Variants in AMPD3 observed in about 807,000 individuals in gnomAD.
AMPD3 encodes the protein adenosine monophosphate deaminase 3, also known as AMP deaminase 3.
Under a neutral mutation model 82.3 loss-of-function variants are expected in AMPD3, and 57 were observed. That is an observed-to-expected ratio of 0.69 (90% CI 0.56 to 0.86). AMPD3 has a LOEUF of 0.86. Ranked by LOEUF, AMPD3 falls within the 40% of genes least tolerant of loss-of-function variation. AMPD3 has a pLI of 0.00. For missense variants in AMPD3, 870 were observed against 1,003.8 expected (o/e 0.87, Z 1.80); for synonymous variants, 381 against 394.7 (o/e 0.97, Z 0.41).
At chr11:10,458,205 C>T (rs1008627690) in intron 1 of AMPD3, among the ~76,000 whole-genome samples, 8 of 150,186 alleles carry the variant, frequency 5.3e-5, no homozygotes, top group Non-Finnish European at 8.9e-5. Flanking sequence ...AGTGATCCTT[C>T]CTCCTCAGCC....
rs1849295888 is a variant in AMPD3 at position 10,493,374 on chromosome 11, C to T, written c.965C>T (p.Ala322Val). The change falls in exon 7 of 15, where the codon GCC becomes GTC. Residue 322 changes from alanine (A) to valine (V), a missense_variant. Ala to Val is a moderately conservative substitution (Grantham distance 64). Coordinates refer to ENST00000396553, the MANE Select transcript of AMPD3 (RefSeq NM_001025389.2). ...GTGGACACACACATCCATGCGGCCGCCTGCATGAACCAAAAGCATCTGCTG... is the reference window on the plus strand; with the variant it reads ...GTGGACACACACATCCATGCGGCCGTCTGCATGAACCAAAAGCATCTGCTG... Reference protein sequence around the residue: ...RKVDTHIHAAACMNQKHLLRF... With the variant: ...RKVDTHIHAAVCMNQKHLLRF... 1.9e-6 allele frequency: 3 copies of T among 1,614,074 alleles called. No individual in the cohort carries two copies. Among genetic ancestry groups the T allele is most frequent in the East Asian group, 4.5e-5 (2 of 44,880 alleles).
intron 13 of AMPD3, among the ~76,000 whole-genome samples, chr11:10,503,740 A>G (rs1212781006): frequency 6.6e-6 from 1 of 152,154 alleles, no homozygotes; most frequent in East Asian, 1.9e-4. Flanking sequence ...AAGCCTCTTT[A>G]ATGTCTTAAT....
At chr11:10,470,757 A>G (rs1377279839) in intron 2 of AMPD3, among the ~76,000 whole-genome samples, 1 of 152,214 alleles carries the variant, frequency 6.6e-6, no homozygotes, top group Non-Finnish European at 1.5e-5. Flanking sequence ...CTTACAAGGG[A>G]TGTGAAGGAC....
rs1286765464 is a variant in AMPD3 at position 10,500,218 on chromosome 11, G to A, written c.1690G>A (p.Ala564Thr). 3 of 1,614,210 alleles carry A rather than the reference G, an allele frequency of 1.9e-6. No homozygotes were observed. The highest frequency in any genetic ancestry group is 1.1e-5 in the South Asian group (1 of 91,088). Residue 564 changes from alanine (A) to threonine (T), a missense_variant, in exon 11 of 15, where the codon GCC (alanine) becomes ACC (threonine). Coordinates refer to ENST00000396553, the MANE Select transcript of AMPD3 (RefSeq NM_001025389.2). ...PYSYYLYYMY[A>T]NIMVLNNLRR... ...CAGCTACTACCTGTACTACATGTAT[G>A]CCAACATCATGGTGCTCAACAACCT...
At chr11:10,487,121 C>T in intron 5 of AMPD3, 114 bp from the exon 6 acceptor site, 1 of 1,582,420 alleles carries the variant, frequency 6.3e-7, no homozygotes, top group Non-Finnish European at 8.6e-7. Flanking sequence ...CTCATTCCGC[C>T]CTGCTCCGTC....
intron 10 of AMPD3, 94 bp from the exon 11 acceptor site, chr11:10,499,992 C>G: frequency 1.3e-6 from 2 of 1,572,922 alleles, no homozygotes; most frequent in Admixed American, 3.6e-5. Context: ...GGCCCAGACC[C>G]ACAGGCCTCT....
At chr11:10,477,982 T>G in intron 2 of AMPD3, 1 of 985,458 alleles carries the variant, frequency 1.0e-6, no homozygotes, top group Non-Finnish European at 1.2e-6. Context: ...ACAAGGAGAT[T>G]GGATTCATTG....
At chr11:10,458,367 T>G (rs1848163831) in intron 1 of AMPD3, among the ~76,000 whole-genome samples, 1 of 152,090 alleles carries the variant, frequency 6.6e-6, no homozygotes, top group African/African-American at 2.4e-5. Context: ...AAAAAGAAGT[T>G]TGTTTTCCTA....
At chr11:10,477,788 G>A in intron 2 of AMPD3, 1 of 780,182 alleles carries the variant, frequency 1.3e-6, no homozygotes, top group Non-Finnish European at 1.6e-6. Context: ...TGTGCCATGG[G>A]CCGTGTGACT....
At chr11:10,478,875 G>T (rs1231873494) in intron 3 of AMPD3, 145 bp downstream of exon 3, 1 of 954,252 alleles carries the variant, frequency 1.0e-6, no homozygotes, top group East Asian at 2.6e-5. Context: ...GAGACAAGGA[G>T]GGCCCTAGCA....
At chr11:10,493,144 G>A (rs140214054) in intron 6 of AMPD3, among the ~76,000 whole-genome samples, 1 of 152,304 alleles carries the variant, frequency 6.6e-6, no homozygotes, top group East Asian at 1.9e-4. Flanking sequence ...GCTGTAAGGA[G>A]GTGGAATGCG....
chr11:10,460,617 C>T (rs1203157176), intron 1 of AMPD3, among the ~76,000 whole-genome samples: 1 of 152,000 alleles, frequency 6.6e-6, no homozygotes, highest in Non-Finnish European at 1.5e-5. Context: ...CCATGTTGGC[C>T]AGGATGGTCT....
intron 6 of AMPD3, chr11:10,488,147 C>T (rs944193396): frequency 2.1e-6 from 2 of 940,216 alleles, no homozygotes; most frequent in Non-Finnish European, 2.5e-6. Flanking sequence ...CAGCCTTGTC[C>T]GGGGCTCCTG....
At chr11:10,499,943 G>A in intron 10 of AMPD3, 143 bp from the exon 11 acceptor site, 1 of 1,507,304 alleles carries the variant, frequency 6.6e-7, no homozygotes, top group Non-Finnish European at 8.9e-7. Flanking sequence ...ATGGCCTCAG[G>A]CAGGCCAAGG....
At chr11:10,473,622 G>A (rs148033950) in intron 2 of AMPD3, 11 of 983,806 alleles carry the variant, frequency 1.1e-5, no homozygotes, top group African/African-American at 5.2e-5. Flanking sequence ...CTGCATATGC[G>A]GAGTGAGTGA....
intron 2 of AMPD3, among the ~76,000 whole-genome samples, chr11:10,466,020 G>T (rs1266885617): frequency 6.6e-6 from 1 of 152,110 alleles, no homozygotes; most frequent in African/African-American, 2.4e-5. Flanking sequence ...CCAGCACTTA[G>T]GGAGGCCAAG....
At chr11:10,487,467 G>A (rs1346057861) in intron 6 of AMPD3, 103 bp downstream of exon 6, 4 of 1,557,834 alleles carry the variant, frequency 2.6e-6, no homozygotes, top group South Asian at 2.2e-5. Context: ...AGAACTTCAG[G>A]GCTCCTTGCT....
At chr11:10,450,389 G>C (rs1472532461), upstream of AMPD3, 1 of 972,724 alleles carries the variant, frequency 1.0e-6, no homozygotes, top group African/African-American at 1.9e-5. Flanking sequence ...CAAGTGACCA[G>C]AAGGACGCCT....
At chr11:10,503,671 A>G (rs1849638060) in intron 13 of AMPD3, among the ~76,000 whole-genome samples, 1 of 152,230 alleles carries the variant, frequency 6.6e-6, no homozygotes, top group Non-Finnish European at 1.5e-5. Flanking sequence ...GAAATGTTAC[A>G]TAATAATGAT....
Sources: allele counts gnomAD v4.1 joint callset (sites outside exome capture counted in the v4.1 genomes callset), GRCh38; gene constraint gnomAD v4.1.1; transcripts MANE v1.5; gene names NCBI Gene and HGNC (gene_info 2026-07-23, HGNC 2026-07-21).